The following RBM45 variants were observed in gnomAD, a reference collection of about 807,000 sequenced individuals.
RBM45 encodes the protein RNA binding motif protein 45, also known as RNA-binding protein 45.
A neutral mutation model predicts 58.5 loss-of-function variants in RBM45; 39 were observed. The ratio of observed to expected loss-of-function variants is 0.67; its 90% confidence interval spans 0.52 to 0.87. RBM45 has a LOEUF of 0.87. Ranked by LOEUF, RBM45 falls within the 40% of genes least tolerant of loss-of-function variation. The pLI is 0.00. For synonymous variants in RBM45, 193 were observed against 203.0 expected (o/e 0.95, Z 0.42); for missense variants, 481 against 581.6 (o/e 0.83, Z 1.78).
rs1422192095 is a variant in RBM45 at position 178,123,915 on chromosome 2, A to G, written c.1068+3A>G. 6.2e-7 allele frequency: 1 copy of G among 1,611,332 alleles called. No individual in the cohort carries two copies. The highest frequency in any genetic ancestry group is 2.2e-5 in the East Asian group (1 of 44,856). On this transcript the variant is annotated splice_donor_region_variant and intron_variant, in intron 7 of 9. Coordinates refer to ENST00000286070, the MANE Select transcript of RBM45 (RefSeq NM_152945.4). ...ACCCAAGTCAGCAACAATTTATGGT[A>G]AGTAGGTAAGAATTTAACCTTTATA... is the stretch of plus-strand genomic sequence containing the variant.
exon 4 of RBM45, chr2:178,137,992 G>A (rs1025658937): frequency 1.3e-5 from 2 of 152,000 alleles, no homozygotes; most frequent in African/African-American, 4.8e-5. Flanking sequence ...GTATTATGAT[G>A]GCAAGAGGGC....
At chr2:178,121,846 C>T (rs375622346) in intron 5 of RBM45, among the ~76,000 whole-genome samples, 5 of 152,242 alleles carry the variant, frequency 3.3e-5, no homozygotes, top group African/African-American at 1.2e-4. Flanking sequence ...CTGCTTCTTC[C>T]AATTCTCAAT....
downstream of RBM45, among the ~76,000 whole-genome samples, chr2:178,131,992 G>T (rs973149819): frequency 6.6e-6 from 1 of 152,038 alleles, no homozygotes; most frequent in Non-Finnish European, 1.5e-5. Context: ...ATAAATACTT[G>T]GATGCCCAGC....
intron 3 of RBM45, among the ~76,000 whole-genome samples, chr2:178,134,986 G>A (rs541094675): frequency 3.3e-5 from 5 of 152,294 alleles, no homozygotes; most frequent in African/African-American, 7.2e-5. Flanking sequence ...CAGCCTGGGC[G>A]ACAGAGCAAG....
chr2:178,134,184 G>A (rs989834145), downstream of RBM45, among the ~76,000 whole-genome samples: 26 of 152,130 alleles, frequency 1.7e-4, no homozygotes, highest in Non-Finnish European at 2.9e-4. Context: ...CTATACCACC[G>A]TGGGACTCTT....
At chr2:178,130,590 A>T (rs2087995679), downstream of RBM45, among the ~76,000 whole-genome samples, 1 of 152,182 alleles carries the variant, frequency 6.6e-6, no homozygotes, top group Admixed American at 6.5e-5. Context: ...TGAAAACTTT[A>T]ACAAAAAAAA....
At position 178,121,195 on chromosome 2, in the gene RBM45, T is replaced by A. The variant is rs1162018623; in HGVS notation, c.689T>A (p.Phe230Tyr). The change falls in exon 5 of 10, where the codon TTT becomes TAT. Residue 230 changes from phenylalanine (F) to tyrosine (Y), a missense_variant. Transcript: ENST00000286070. ...ATTGTCGGAGAACAACAATCTGAAT[T>A]TTCAAGTTTTGACAAGAATGATAGC... ...NMFPFEQQSE[F>Y]SSFDKNDSRG... is the part of the protein sequence containing the mutation. 1 of 1,548,470 alleles carries A rather than the reference T, an allele frequency of 6.5e-7. No homozygotes were observed. Among genetic ancestry groups the A allele is most frequent in the Non-Finnish European group, 8.8e-7 (1 of 1,139,916 alleles).
intron 1 of RBM45, among the ~76,000 whole-genome samples, chr2:178,113,461 C>A (rs1422926492): frequency 3.3e-5 from 5 of 152,146 alleles, no homozygotes; most frequent in Non-Finnish European, 5.9e-5. Context: ...TTTGAATGAG[C>A]TCTGTTTCTG....
intron 3 of RBM45, among the ~76,000 whole-genome samples, chr2:178,118,799 T>C (rs1193046362): frequency 6.6e-6 from 1 of 152,208 alleles, no homozygotes; most frequent in Non-Finnish European, 1.5e-5. Flanking sequence ...ATTAAATTAC[T>C]GGATTTTAGG....
rs1230371104 is a variant in RBM45 at position 178,116,387 on chromosome 2, A to G, written c.423+3A>G. The G allele has an allele frequency of 5.6e-6, 9 of 1,601,690 alleles. No homozygotes were observed. Among genetic ancestry groups the G allele is most frequent in the Middle Eastern group, 1.7e-4 (1 of 5,964 alleles). On this transcript the variant is annotated splice_donor_region_variant and intron_variant, in intron 2 of 9. Coordinates refer to ENST00000286070, the MANE Select transcript of RBM45 (RefSeq NM_152945.4). ...AAGATCTGCGGGAAAAATTTAAGGT[A>G]TTTATTCTAATCAGCTAGCATATGT...
chr2:178,112,624 C>A lies in RBM45; in HGVS notation c.78C>A (p.Ser26Arg). ...GVDSLDEPPN[S>R]RIFLVISKYT... ...ACAGCCTGGACGAACCGCCCAACAG[C>A]CGCATCTTCCTTGTGATCAGCAAGT... Residue 26 changes from serine to arginine, a missense_variant, in exon 1 of 10, where the codon AGC becomes AGA. Ser to Arg is a moderately radical substitution (Grantham distance 110, BLOSUM62 -1). Coordinates refer to ENST00000286070, the MANE Select transcript of RBM45 (RefSeq NM_152945.4). 6.2e-7 allele frequency: 1 copy of A among 1,614,194 alleles called. No individual in the cohort carries two copies. The highest frequency in any genetic ancestry group is 8.5e-7 in the Non-Finnish European group (1 of 1,180,038).
At chr2:178,127,144 C>G (rs2087942987) in intron 9 of RBM45, among the ~76,000 whole-genome samples, 1 of 152,064 alleles carries the variant, frequency 6.6e-6, no homozygotes, top group African/African-American at 2.4e-5. Context: ...CACCGTGTTT[C>G]GATCTCCTGA....
downstream of RBM45, among the ~76,000 whole-genome samples, chr2:178,130,719 CCT>C (rs1559083175): frequency 6.6e-6 from 1 of 152,142 alleles, no homozygotes. Context: ...GTAATTATCT[CCT>C]CATTATACTT....
exon 4 of RBM45, chr2:178,137,328 C>G (rs1175098586): frequency 6.6e-6 from 1 of 152,146 alleles, no homozygotes; most frequent in African/African-American, 2.4e-5. Context: ...ACAGTATCTA[C>G]TAAAGTTGAA....
chr2:178,121,977 T>C (rs1017012554), intron 5 of RBM45, among the ~76,000 whole-genome samples: 1 of 152,204 alleles, frequency 6.6e-6, no homozygotes, highest in African/African-American at 2.4e-5. Context: ...TAAGGCTCTT[T>C]GTTAATGGAG....
chr2:178,113,520 A>G (rs945435602), intron 1 of RBM45, among the ~76,000 whole-genome samples: 1 of 152,228 alleles, frequency 6.6e-6, no homozygotes, highest in African/African-American at 2.4e-5. Context: ...TGTTACTGCA[A>G]CTTTTCTTTG....
Position 178,112,855 on chromosome 2 carries a change from G to C in RBM45, c.300+9G>C, listed in dbSNP as rs572833487. 2.5e-4 allele frequency: 403 copies of C among 1,599,238 alleles called. 2 individuals carry two copies. The South Asian group carries it at 4.2e-3, about 17-fold the overall frequency. On this transcript the variant is annotated intron_variant, in intron 1 of 9. Coordinates refer to ENST00000286070, the MANE Select transcript of RBM45 (RefSeq NM_152945.4). ...ACACCAAGCCCATCAAGGTGCGGGT[G>C]CCCGGGTCGGGGTGCCCTCGGGGGA...
intron 3 of RBM45, among the ~76,000 whole-genome samples, chr2:178,135,273 G>A (rs367661768): frequency 6.6e-6 from 1 of 152,184 alleles, no homozygotes; most frequent in Non-Finnish European, 1.5e-5. Flanking sequence ...AGCTGCTTTG[G>A]CAATATCAAG....
chr2:178,112,949 T>G, intron 1 of RBM45, 103 bp downstream of exon 1: 2 of 1,249,120 alleles, frequency 1.6e-6, no homozygotes, highest in Non-Finnish European at 1.1e-6. Flanking sequence ...GGAACATCCG[T>G]TCCCGGCAGC....
Sources: gnomAD v4.1 joint callset for allele counts (sites outside exome capture counted in the v4.1 genomes callset) on GRCh38, gnomAD v4.1.1 for gene constraint, MANE v1.5 for transcripts, NCBI Gene and HGNC (gene_info 2026-07-23, HGNC 2026-07-21) for gene names.